The following DNAAF1 variants were observed in gnomAD, a reference collection of about 807,000 sequenced individuals.
The protein encoded by DNAAF1 is dynein assembly factor 1, axonemal.
Under a neutral mutation model 71.1 loss-of-function variants are expected in DNAAF1, and 65 were observed. The ratio of observed to expected loss-of-function variants is 0.91; its 90% CI spans 0.75 to 1.12. The LOEUF is 1.12. Ranked by LOEUF, DNAAF1 falls within the 50% of genes most tolerant of loss-of-function variation. The pLI, the probability that DNAAF1 is intolerant of heterozygous loss-of-function variation, is 0.00. For synonymous variants in DNAAF1, 414 were observed against 354.6 expected, an observed-to-expected ratio of 1.17 and a Z score of -1.88; for missense variants, 1,178 against 899.8, an observed-to-expected ratio of 1.31 and a Z score of -3.96.
At position 84,165,985 on chromosome 16, in the gene DNAAF1, C is replaced by G. The variant is rs756278077; in HGVS notation, c.1030+36C>G. 8.7e-6 allele frequency: 14 copies of G among 1,605,488 alleles called. 1 individual carries two copies. The Middle Eastern group carries it at 8.0e-4, about 91-fold the overall frequency. On this transcript the variant is annotated intron_variant, in intron 7 of 11. Transcript: ENST00000378553. Reference sequence around the variant, plus strand: ...GGCCGAAGACAACAGCCCCAGAGTTCCTTTGAGATTAGGCAAGTCTAAGCT... The same window carrying G: ...GGCCGAAGACAACAGCCCCAGAGTTGCTTTGAGATTAGGCAAGTCTAAGCT...
intron 7 of DNAAF1, among the ~76,000 whole-genome samples, chr16:84,168,524 C>T (rs4782587): frequency 0.31 from 46,934 of 151,976 alleles, 7,830 homozygotes; most frequent in Non-Finnish European, 0.37. Flanking sequence ...GCAGTCCTCC[C>T]GCCTCGGCCT....
rs2087059445 is a variant in DNAAF1 at position 84,149,047 on chromosome 16, C to G, written c.165C>G (p.Asp55Glu). The G allele has an allele frequency of 6.2e-7, 1 of 1,613,978 alleles. No homozygotes were observed. Among genetic ancestry groups the G allele is most frequent in the Non-Finnish European group, 8.5e-7 (1 of 1,180,024 alleles). The change falls in exon 2 of 12, where the codon GAC (aspartate) becomes GAG (glutamate). Residue 55 changes from aspartate to glutamate, a missense_variant. By Grantham distance (45) the Asp-to-Glu change is conservative. Coordinates refer to ENST00000378553, the MANE Select transcript of DNAAF1 (RefSeq NM_178452.6). Reference protein sequence around the residue: ...DPKEICVGSSDTSYHSQQKQS... With the variant: ...DPKEICVGSSETSYHSQQKQS... The stretch of plus-strand genomic sequence containing the variant: ...AGGAAATATGTGTGGGTTCTTCTGA[C>G]ACATCCTACCACAGCCAGCAGAAAC...
At chr16:84,172,571 C>G (rs1279253408) in intron 9 of DNAAF1, 196 bp downstream of exon 9, 2 of 1,417,578 alleles carry the variant, frequency 1.4e-6, no homozygotes, top group Admixed American at 2.5e-5. Context: ...ATCCAACTTT[C>G]ATGCACTGCC....
intron 2 of DNAAF1, among the ~76,000 whole-genome samples, chr16:84,149,921 A>G (rs1240998138): frequency 1.3e-5 from 2 of 151,942 alleles, no homozygotes; most frequent in Non-Finnish European, 2.9e-5. Flanking sequence ...GCTACTCGGG[A>G]GGCTGAGGCA....
chr16:84,152,348 C>G (rs926193993), intron 3 of DNAAF1, among the ~76,000 whole-genome samples: 2 of 152,190 alleles, frequency 1.3e-5, no homozygotes, highest in East Asian at 1.9e-4. Flanking sequence ...CATACACACA[C>G]TCTTAGGTTA....
intron 10 of DNAAF1, chr16:84,174,974 G>C: frequency 2.3e-6 from 1 of 438,386 alleles, no homozygotes; most frequent in Non-Finnish European, 4.3e-6. Flanking sequence ...TCCTGTCTCA[G>C]CCTCCCAAGT....
At position 84,145,568 on chromosome 16, in the gene DNAAF1, C is replaced by G. The variant is rs2086859059; in HGVS notation, c.124+4C>G. ...GGCCGAGGGGGCTGCAAGGAAGGTG[C>G]CGACTGCCCCCCAGGGAGGGCGGTG... On this transcript the variant is annotated splice_donor_region_variant and intron_variant, in intron 1 of 11. Transcript: ENST00000378553. 1.3e-6 allele frequency: 2 copies of G among 1,546,354 alleles called. No homozygotes were observed. The highest frequency in any genetic ancestry group is 8.7e-7 in the Non-Finnish European group (1 of 1,146,358).
chr16:84,168,417 T>C (rs2088137100), intron 7 of DNAAF1, among the ~76,000 whole-genome samples: 1 of 152,354 alleles, frequency 6.6e-6, no homozygotes, highest in Admixed American at 6.5e-5. Flanking sequence ...ATTCTGACAT[T>C]AAGGTGTGAA....
At position 84,145,398 on chromosome 16, in the gene DNAAF1, G is replaced by T. The variant is rs1365832236; in HGVS notation, c.-43G>T. 6.4e-7 allele frequency: 1 copy of T among 1,566,342 alleles called. No homozygotes were observed. The highest frequency in any genetic ancestry group is 1.9e-5 in the Admixed American group (1 of 52,216). On this transcript the variant is annotated 5_prime_UTR_variant, in exon 1 of 12. Transcript: ENST00000378553. Reference sequence around the variant, plus strand: ...CGTAGCGACGTCCGCCGCGAACCTGGGCCCCCCAAAGCTGCGGGGCGTTCG... The same window carrying T: ...CGTAGCGACGTCCGCCGCGAACCTGTGCCCCCCAAAGCTGCGGGGCGTTCG...
chr16:84,177,833 G>T lies in DNAAF1; in HGVS notation c.2170G>T (p.Ala724Ser). 6.2e-7 allele frequency: 1 copy of T among 1,613,508 alleles called. No individual in the cohort carries two copies. Among genetic ancestry groups the T allele is most frequent in the South Asian group, 1.1e-5 (1 of 91,072 alleles). Residue 724 changes from alanine (A) to serine (S), a missense_variant, in exon 12 of 12, where the codon GCA (alanine) becomes TCA (serine). Coordinates refer to ENST00000378553, the MANE Select transcript of DNAAF1 (RefSeq NM_178452.6). ...CCTCACTGCATTCCCAGCACCGAAA[G>T]CATCATAGTTTTCCCCAGTTATATG... ...WDLTAFPAPKAS is the reference protein window; with the variant it reads ...WDLTAFPAPKSS
Position 84,154,761 on chromosome 16 carries a change from C to T in DNAAF1, c.537C>T (p.Asn179=). Residue 179 remains asparagine, a synonymous_variant, in exon 4 of 12, where the codon AAC becomes AAT. Coordinates refer to ENST00000378553, the MANE Select transcript of DNAAF1 (RefSeq NM_178452.6). The part of the protein sequence containing the change: ...LEPLQKLDAL[N]LSNNYIKTIE... ...CTCTGCAGAAACTGGATGCTCTTAA[C>T]CTCAGCAACAATTACATCAAGACCA... 6.2e-7 allele frequency: 1 copy of T among 1,614,138 alleles called. No homozygotes were observed. Among genetic ancestry groups the T allele is most frequent in the Non-Finnish European group, 8.5e-7 (1 of 1,180,018 alleles).
intron 2 of DNAAF1, 61 bp downstream of exon 2, chr16:84,149,203 C>A: frequency 1.3e-6 from 2 of 1,593,278 alleles, no homozygotes; most frequent in African/African-American, 1.3e-5. Context: ...GCGTAATCAC[C>A]CCCTTGTACG....
At chr16:84,148,874 G>A in intron 1 of DNAAF1, 133 bp from the exon 2 acceptor site, 2 of 1,053,210 alleles carry the variant, frequency 1.9e-6, no homozygotes, top group Admixed American at 3.9e-5. Flanking sequence ...ACAGGCCTGA[G>A]CCACCATACC....
chr16:84,151,535 G>C (rs147970966), intron 3 of DNAAF1, among the ~76,000 whole-genome samples: 4 of 152,346 alleles, frequency 2.6e-5, no homozygotes, highest in African/African-American at 9.6e-5. Context: ...CAGTAAGTTT[G>C]ACTGAGTAGA....
At chr16:84,166,372 T>C (rs1292132279) in intron 7 of DNAAF1, among the ~76,000 whole-genome samples, 1 of 111,342 alleles carries the variant, frequency 9.0e-6, no homozygotes, top group Non-Finnish European at 2.0e-5. Context: ...CTTTTTTTCT[T>C]TTTTTTTTTT....
At position 84,177,849 on chromosome 16, in the gene DNAAF1, C is replaced by A; in HGVS notation, c.*8C>A. ...GCACCGAAAGCATCATAGTTTTCCC[C>A]AGTTATATGTAGCATAAATGGTTTA... On this transcript the variant is annotated 3_prime_UTR_variant, in exon 12 of 12. Coordinates refer to ENST00000378553, the MANE Select transcript of DNAAF1 (RefSeq NM_178452.6). The A allele has an allele frequency of 6.2e-7, 1 of 1,605,508 alleles. No individual in the cohort carries two copies. The highest frequency in any genetic ancestry group is 8.5e-7 in the Non-Finnish European group (1 of 1,172,374).
At chr16:84,145,587 G>A in intron 1 of DNAAF1, 23 bp downstream of exon 1, 1 of 1,542,660 alleles carries the variant, frequency 6.5e-7, no homozygotes, top group Non-Finnish European at 8.7e-7. Flanking sequence ...CCCCAGGGAG[G>A]GCGGTGGGCG....
chr16:84,174,457 C>A, intron 9 of DNAAF1: 1 of 1,431,150 alleles, frequency 7.0e-7, no homozygotes, highest in Non-Finnish European at 9.1e-7. Context: ...AGTTCCCTTT[C>A]ATTTATTAGA....
At chr16:84,157,955 C>T (rs1322166962) in intron 5 of DNAAF1, among the ~76,000 whole-genome samples, 1 of 152,134 alleles carries the variant, frequency 6.6e-6, no homozygotes, top group Non-Finnish European at 1.5e-5. Context: ...CGCCTGTAAT[C>T]CCAGCGCTCT....
Sources: allele counts gnomAD v4.1 joint callset (sites outside exome capture counted in the v4.1 genomes callset), GRCh38; gene constraint gnomAD v4.1.1; transcripts MANE v1.5; gene names NCBI Gene and HGNC (gene_info 2026-07-23, HGNC 2026-07-21).